Variants in RB1CC1 observed in about 807,000 individuals in gnomAD.
The protein encoded by RB1CC1 is RB1-inducible coiled-coil protein 1.
Under a neutral mutation model 177.5 loss-of-function variants are expected in RB1CC1, and 46 were observed. That is an observed-to-expected ratio of 0.26 (90% CI 0.20 to 0.33). The LOEUF is 0.33. Ranked by LOEUF, RB1CC1 falls within the 10% of genes least tolerant of loss-of-function variation. RB1CC1 has a pLI of 1.00. For missense variants in RB1CC1, 1,703 were observed against 1,816.3 expected (o/e 0.94, Z 1.13); for synonymous variants, 666 against 613.6 (o/e 1.09, Z -1.26).
intron 7 of RB1CC1, among the ~76,000 whole-genome samples, chr8:52,668,917 C>T (rs1302235139): frequency 6.6e-6 from 1 of 152,180 alleles, no homozygotes; most frequent in African/African-American, 2.4e-5. Context: ...TCCTTCACAG[C>T]ATCCTTTTCT....
chr8:52,661,852 T>G lies in RB1CC1; in HGVS notation c.1174-133A>C, dbSNP rs546569131. On this transcript the variant is annotated intron_variant, in intron 8 of 23. Transcript: ENST00000025008. Reference sequence around the variant, plus strand: ...TCTAACAATATTTTTAAATCCTCTATTTTTCTCGAATGTAGTAGATGCATA... The same window carrying G: ...TCTAACAATATTTTTAAATCCTCTAGTTTTCTCGAATGTAGTAGATGCATA... The G allele has an allele frequency of 1.4e-4, 90 of 633,488 alleles. 1 individual carries two copies. The Admixed American group carries it at 1.9e-3, about 13-fold the overall frequency. The allele number at this position is 633,488 out of a possible 1,614,324, so 39.2% of individuals were successfully genotyped here.
intron 15 of RB1CC1, among the ~76,000 whole-genome samples, chr8:52,646,778 A>C (rs1041990604): frequency 6.6e-6 from 1 of 152,226 alleles, no homozygotes; most frequent in Non-Finnish European, 1.5e-5. Flanking sequence ...GATTAGTTTA[A>C]CTTCTAATTA....
intron 7 of RB1CC1, among the ~76,000 whole-genome samples, chr8:52,670,756 C>A (rs1172437880): frequency 6.6e-6 from 1 of 152,032 alleles, no homozygotes; most frequent in Non-Finnish European, 1.5e-5. Context: ...GGAGGCAGAG[C>A]CAGGCAAATC....
chr8:52,704,869 T>C lies in RB1CC1; in HGVS notation c.-167+9206A>G, dbSNP rs542284149. On this transcript the variant is annotated intron_variant, in intron 1 of 23. Coordinates refer to ENST00000025008, the MANE Select transcript of RB1CC1 (RefSeq NM_014781.5). ...ACCAAATAGTCACGATTTCCTAAAA[T>C]CTGACTTGATGCTCATTTTATATAA... Among the ~76,000 whole-genome samples the C allele has an allele frequency of 5.3e-5, 8 of 152,312 alleles. No homozygotes were observed. In the East Asian group the frequency reaches 7.7e-4, roughly 15 times the overall value.
chr8:52,658,147 T>A, intron 13 of RB1CC1, 23 bp from the exon 14 acceptor site: 1 of 1,594,864 alleles, frequency 6.3e-7, no homozygotes, highest in Non-Finnish European at 8.5e-7. Flanking sequence ...GCAATGCAAT[T>A]AGACTTCTGA....
chr8:52,631,197 AAGTT>A (rs1848728934), intron 20 of RB1CC1, among the ~76,000 whole-genome samples: 1 of 152,186 alleles, frequency 6.6e-6, no homozygotes, highest in Non-Finnish European at 1.5e-5. Context: ...TATGACCAGG[AAGTT>A]GAGTCTTTGA....
In RB1CC1 at chr8:52,670,965, AAAAG is replaced by A. The variant is rs1427807101; in HGVS notation, c.1003-2778_1003-2775del. On this transcript the variant is annotated intron_variant, in intron 7 of 23. Transcript: ENST00000025008. The stretch of plus-strand genomic sequence containing the variant: ...AGCGAGACTCCAACTCAAAAAAAAA[AAAAG>A]AGTCTTTTTAGCAAGAATACACTAA... Among the ~76,000 whole-genome samples the A allele has an allele frequency of 4.2e-4, 64 of 152,298 alleles. 1 individual carries two copies. Among genetic ancestry groups the A allele is most frequent in the African/African-American group, 1.5e-3 (62 of 41,566 alleles).
chr8:52,662,034 T>C (rs1252404992), intron 8 of RB1CC1, among the ~76,000 whole-genome samples: 1 of 152,054 alleles, frequency 6.6e-6, no homozygotes, highest in Non-Finnish European at 1.5e-5. Flanking sequence ...CCTATAACAC[T>C]ATCGGTCAGT....
intron 1 of RB1CC1, among the ~76,000 whole-genome samples, chr8:52,706,809 C>A (rs1465989003): frequency 4.6e-5 from 7 of 151,604 alleles, no homozygotes; most frequent in African/African-American, 1.7e-4. Context: ...TAGGCACCCA[C>A]CACCACACCC....
rs1854015466 is a variant in RB1CC1 at position 52,684,017 on chromosome 8, C to A, written c.72-4G>T. On this transcript the variant is annotated splice_polypyrimidine_tract_variant and splice_region_variant and intron_variant, in intron 3 of 23. Coordinates refer to ENST00000025008, the MANE Select transcript of RB1CC1 (RefSeq NM_014781.5). ...GGCATGCTTAAGGTCTGCCACACTT[C>A]AAAAAATGAAATAAAATAAATCAGT... The A allele has an allele frequency of 8.7e-6, 14 of 1,606,988 alleles. No homozygotes were observed. The highest frequency in any genetic ancestry group is 1.2e-5 in the Non-Finnish European group (14 of 1,178,076).
chr8:52,627,421 A>C (rs1040829722), intron 22 of RB1CC1, among the ~76,000 whole-genome samples: 4 of 152,206 alleles, frequency 2.6e-5, no homozygotes, highest in Non-Finnish European at 5.9e-5. Context: ...TTAGATTAGG[A>C]ACATCAATCT....
At chr8:52,700,981 CA>C (rs1191906754) in intron 1 of RB1CC1, among the ~76,000 whole-genome samples, 2 of 152,198 alleles carry the variant, frequency 1.3e-5, no homozygotes, top group African/African-American at 4.8e-5. Flanking sequence ...AGGTGACACC[CA>C]AAGTGCCTAA....
intron 18 of RB1CC1, among the ~76,000 whole-genome samples, chr8:52,640,212 G>A (rs1849452577): frequency 6.6e-6 from 1 of 152,120 alleles, no homozygotes; most frequent in African/African-American, 2.4e-5. Context: ...TCTCATGGAG[G>A]CAGAGAGCAG....
intron 22 of RB1CC1, among the ~76,000 whole-genome samples, chr8:52,626,481 A>C (rs573197628): frequency 2.6e-5 from 4 of 152,290 alleles, no homozygotes; most frequent in African/African-American, 7.2e-5. Flanking sequence ...GTATATTTAT[A>C]TCTTAGATAC....
intron 1 of RB1CC1, among the ~76,000 whole-genome samples, chr8:52,695,259 C>T (rs949401009): frequency 2.0e-5 from 3 of 152,226 alleles, no homozygotes; most frequent in Non-Finnish European, 4.4e-5. Context: ...GAATTTTTCT[C>T]TTTCCATAAA....
intron 7 of RB1CC1, among the ~76,000 whole-genome samples, chr8:52,672,386 G>A (rs1852682386): frequency 6.6e-6 from 1 of 152,048 alleles, no homozygotes; most frequent in Non-Finnish European, 1.5e-5. Context: ...GAAATACAAA[G>A]CCGATTTCAG....
chr8:52,629,098 AT>A (rs913335056), intron 21 of RB1CC1, among the ~76,000 whole-genome samples: 4 of 152,168 alleles, frequency 2.6e-5, no homozygotes, highest in African/African-American at 7.2e-5. Flanking sequence ...TTGACATGAC[AT>A]ACAGCTGGTA....
chr8:52,689,514 T>C (rs183538267), intron 1 of RB1CC1, among the ~76,000 whole-genome samples: 1 of 152,288 alleles, frequency 6.6e-6, no homozygotes, highest in East Asian at 1.9e-4. Flanking sequence ...AAGACGATTA[T>C]GACTTTTAGG....
intron 15 of RB1CC1, among the ~76,000 whole-genome samples, chr8:52,653,950 T>C (rs1383798318): frequency 6.6e-6 from 1 of 152,200 alleles, no homozygotes; most frequent in East Asian, 1.9e-4. Context: ...GTTGCTTCCC[T>C]TACTCGTGGA....
Sources: allele counts gnomAD v4.1 joint callset (sites outside exome capture counted in the v4.1 genomes callset), GRCh38; gene constraint gnomAD v4.1.1; transcripts MANE v1.5; gene names NCBI Gene and HGNC (gene_info 2026-07-23, HGNC 2026-07-21).